LYPLAL1: variants seen among roughly 807,000 people sequenced by gnomAD.
The protein encoded by LYPLAL1 is lysophospholipase-like protein 1.
In LYPLAL1, 23 loss-of-function variants were observed where a neutral mutation model predicts 19.7. That is an observed-to-expected ratio of 1.17 (90% CI 0.84 to 1.65). LYPLAL1 has a LOEUF of 1.65. Ranked by LOEUF, LYPLAL1 falls within the 40% of genes most tolerant of loss-of-function variation. LYPLAL1 has a pLI of 0.00. For synonymous variants in LYPLAL1, 119 were observed against 96.3 expected (o/e 1.24, Z -1.38); for missense variants, 355 against 279.4 (o/e 1.27, Z -1.93).
the LYPLAL1 span, among the ~76,000 whole-genome samples, chr1:219,325,241 AT>A: frequency 6.6e-6 from 1 of 152,190 alleles, no homozygotes; most frequent in African/African-American, 2.4e-5. Flanking sequence ...GGCTTGACTC[AT>A]AATGCGTTTC....
At chr1:219,273,029 A>G in the LYPLAL1 span, 4 of 152,210 alleles carry the variant, frequency 2.6e-5, no homozygotes, top group Non-Finnish European at 4.4e-5. Flanking sequence ...TAAAGAACCA[A>G]CAGAGAATAT....
At chr1:219,404,657 G>T in the LYPLAL1 span, among the ~76,000 whole-genome samples, 2 of 152,188 alleles carry the variant, frequency 1.3e-5, no homozygotes, top group Non-Finnish European at 2.9e-5. Flanking sequence ...TGGTTCATGG[G>T]TTCAAAAATA....
At chr1:219,274,299 G>T in the LYPLAL1 span, among the ~76,000 whole-genome samples, 2 of 152,152 alleles carry the variant, frequency 1.3e-5, no homozygotes, top group Non-Finnish European at 2.9e-5. Flanking sequence ...GGGGTTAGAA[G>T]GCGTGCAAAA....
the LYPLAL1 span, among the ~76,000 whole-genome samples, chr1:219,306,811 TATAGATAG>T: frequency 1.9e-3 from 255 of 132,554 alleles, 3 homozygotes; most frequent in East Asian, 0.023. Context: ...CATAGATAGA[TATAGATAG>T]ATAGATAGAT....
the LYPLAL1 span, among the ~76,000 whole-genome samples, chr1:219,440,260 TATTAGTATGACCTCATG>T: frequency 1.3e-5 from 2 of 152,044 alleles, no homozygotes; most frequent in Non-Finnish European, 1.5e-5. Flanking sequence ...GATTTTGAAG[TATTAGTATGACCTCATG>T]ATAATTTCTT....
the LYPLAL1 span, among the ~76,000 whole-genome samples, chr1:219,309,673 C>T: frequency 2.0e-5 from 3 of 152,134 alleles, no homozygotes; most frequent in Non-Finnish European, 4.4e-5. Flanking sequence ...TTTCTGTCGC[C>T]TTCACCATGT....
chr1:219,350,856 G>C, the LYPLAL1 span, among the ~76,000 whole-genome samples: 6 of 152,176 alleles, frequency 3.9e-5, no homozygotes, highest in African/African-American at 1.2e-4. Flanking sequence ...GCTCAGCTAA[G>C]TGGGGTGAAA....
chr1:219,248,512 A>C, the LYPLAL1 span, among the ~76,000 whole-genome samples: 365 of 152,278 alleles, frequency 2.4e-3, 3 homozygotes, highest in Middle Eastern at 3.4e-3. Flanking sequence ...TTATTTCCAG[A>C]AAAGAAGTTA....
chr1:219,202,228 A>C (rs1658167424), intron 3 of LYPLAL1, among the ~76,000 whole-genome samples: 1 of 152,188 alleles, frequency 6.6e-6, no homozygotes, highest in Non-Finnish European at 1.5e-5. Flanking sequence ...TGAACTAGTC[A>C]GTTCATGTGA....
the LYPLAL1 span, among the ~76,000 whole-genome samples, chr1:219,313,736 T>C: frequency 1.3e-5 from 2 of 152,126 alleles, no homozygotes; most frequent in Non-Finnish European, 2.9e-5. Flanking sequence ...GGTTTCACCA[T>C]GTTGGCCAGG....
the LYPLAL1 span, among the ~76,000 whole-genome samples, chr1:219,340,815 G>A: frequency 6.6e-6 from 1 of 152,052 alleles, no homozygotes; most frequent in Non-Finnish European, 1.5e-5. Context: ...AATTATCAGT[G>A]AAACGACAAC....
chr1:219,210,552 T>C lies in LYPLAL1; in HGVS notation c.382T>C (p.Cys128Arg), dbSNP rs200565962. The C allele has an allele frequency of 1.2e-6, 2 of 1,605,554 alleles. No individual in the cohort carries two copies. Among genetic ancestry groups the C allele is most frequent in the Non-Finnish European group, 1.7e-6 (2 of 1,174,764 alleles). The change falls in exon 4 of 5, where the codon TGC becomes CGC. Residue 128 changes from cysteine to arginine, a missense_variant. Physicochemically the swap from Cys to Arg is radical, Grantham distance 180. Transcript: ENST00000366928. ...TTTAGGAGGATTCTCTATGGGAGGA[T>C]GCATGGCAATACATTTAGCATATAG... Reference protein sequence around the residue: ...ILIGGFSMGGCMAIHLAYRNH... With the variant: ...ILIGGFSMGGRMAIHLAYRNH...
the LYPLAL1 span, among the ~76,000 whole-genome samples, chr1:219,427,256 A>G: frequency 1.3e-5 from 2 of 152,220 alleles, no homozygotes; most frequent in African/African-American, 4.8e-5. Flanking sequence ...CTCAAATGAA[A>G]AAGACTTTCT....
At chr1:219,252,400 T>C in the LYPLAL1 span, among the ~76,000 whole-genome samples, 1 of 152,118 alleles carries the variant, frequency 6.6e-6, no homozygotes, top group South Asian at 2.1e-4. Context: ...CCATTCAGTA[T>C]AATGTTGGCT....
chr1:219,291,142 A>C, the LYPLAL1 span, among the ~76,000 whole-genome samples: 1 of 152,192 alleles, frequency 6.6e-6, no homozygotes, highest in Non-Finnish European at 1.5e-5. Flanking sequence ...AAATAACTCT[A>C]ATTATGATGT....
At chr1:219,232,205 A>G in the LYPLAL1 span, among the ~76,000 whole-genome samples, 8 of 152,226 alleles carry the variant, frequency 5.3e-5, no homozygotes, top group Admixed American at 2.0e-4. Context: ...TATTTATCAC[A>G]TAGATTTGAG....
chr1:219,187,483 A>G (rs1268000715), intron 2 of LYPLAL1, among the ~76,000 whole-genome samples: 1 of 151,574 alleles, frequency 6.6e-6, no homozygotes, highest in Non-Finnish European at 1.5e-5. Flanking sequence ...CTTTAGCTAT[A>G]TTTACAATTA....
the LYPLAL1 span, among the ~76,000 whole-genome samples, chr1:219,370,071 A>G: frequency 1.6e-4 from 25 of 152,348 alleles, no homozygotes; most frequent in Non-Finnish European, 2.8e-4. Context: ...GAGGGGCATG[A>G]TAGAAGCAAG....
the LYPLAL1 span, among the ~76,000 whole-genome samples, chr1:219,350,748 C>T: frequency 6.6e-6 from 1 of 152,178 alleles, no homozygotes; most frequent in South Asian, 2.1e-4. Flanking sequence ...ATGCACTTAA[C>T]CCAGGAAACT....
Sources: gnomAD v4.1 joint callset for allele counts (sites outside exome capture counted in the v4.1 genomes callset) on GRCh38, gnomAD v4.1.1 for gene constraint, MANE v1.5 for transcripts, NCBI Gene and HGNC (gene_info 2026-07-23, HGNC 2026-07-21) for gene names.